CHI3L2: variants seen among roughly 807,000 people sequenced by gnomAD.
CHI3L2 encodes chitinase-3-like protein 2.
A neutral mutation model predicts 47.3 loss-of-function variants in CHI3L2; 47 were observed. The observed-to-expected ratio is 0.99, with a 90% CI of 0.79 to 1.27. The LOEUF is 1.27. Ranked by LOEUF, CHI3L2 falls within the 50% of genes most tolerant of loss-of-function variation. The pLI is 0.00. For missense variants in CHI3L2, 497 were observed against 462.1 expected (o/e 1.08, Z -0.69); for synonymous variants, 198 against 169.9 (o/e 1.17, Z -1.28).
chr1:111,239,520 G>A (rs1659986690), intron 8 of CHI3L2, among the ~76,000 whole-genome samples: 1 of 152,126 alleles, frequency 6.6e-6, no homozygotes, highest in Non-Finnish European at 1.5e-5. Flanking sequence ...CTACACCTGA[G>A]GGACATGCAG....
At position 111,236,116 on chromosome 1, in the gene CHI3L2, G is replaced by A. The variant is rs763418904; in HGVS notation, c.698G>A (p.Gly233Glu). 1 of 1,614,180 alleles carries A rather than the reference G, an allele frequency of 6.2e-7. No individual in the cohort carries two copies. Reference sequence around the variant, plus strand: ...GGCCACAACAGCCCTCTGAGCAAGGGGTGGCAGGACAGAGGGCCAAGCTCC... The same window carrying A: ...GGCCACAACAGCCCTCTGAGCAAGGAGTGGCAGGACAGAGGGCCAAGCTCC... ...ITGHNSPLSK[G>E]WQDRGPSSYY... Residue 233 changes from glycine (G) to glutamate (E), a missense_variant, in exon 7 of 11, where the codon GGG becomes GAG. Coordinates refer to ENST00000369748, the MANE Select transcript of CHI3L2 (RefSeq NM_004000.3).
rs548439935 is a variant in CHI3L2, at chr1:111,242,797, A to G, written c.*3-420A>G. The stretch of plus-strand genomic sequence containing the variant: ...GGCTCTTTTCCCCCACCCACAGTTG[A>G]TCTTACTTAGTCTAGACATTTGGGA... On this transcript the variant is annotated intron_variant, in intron 10 of 10. Transcript: ENST00000369748. Among the ~76,000 whole-genome samples, 25 of 152,096 alleles carry G rather than the reference A, an allele frequency of 1.6e-4. No individual in the cohort carries two copies. In the South Asian group the frequency reaches 4.6e-3, roughly 28 times the overall value.
At chr1:111,228,250 G>T (rs1659585504) in intron 1 of CHI3L2, among the ~76,000 whole-genome samples, 1 of 152,192 alleles carries the variant, frequency 6.6e-6, no homozygotes, top group Admixed American at 6.5e-5. Context: ...GGCTTTTGTG[G>T]TGGCTGGGAA....
intron 4 of CHI3L2, among the ~76,000 whole-genome samples, chr1:111,233,328 C>T (rs931107130): frequency 3.3e-5 from 5 of 152,116 alleles, no homozygotes; most frequent in Admixed American, 6.5e-5. Flanking sequence ...CCTGGAACTT[C>T]CCTAAATGTT....
Position 111,237,819 on chromosome 1 carries a change from G to C in CHI3L2, c.736-931G>C, listed in dbSNP as rs1659927992. 3.3e-5 allele frequency among the ~76,000 whole-genome samples: 5 copies of C among 152,248 alleles called. No homozygotes were observed. The South Asian group carries it at 1.0e-3, about 32-fold the overall frequency. Reference sequence around the variant, plus strand: ...TAATTCAGGTCATGATGGGAAGTTGGGTGTCAGACATGCCTCACAGCTGAC... The same window carrying C: ...TAATTCAGGTCATGATGGGAAGTTGCGTGTCAGACATGCCTCACAGCTGAC... On this transcript the variant is annotated intron_variant, in intron 7 of 10. Transcript: ENST00000369748.
chr1:111,242,819 G>A (rs1480976557), intron 10 of CHI3L2, among the ~76,000 whole-genome samples: 1 of 151,938 alleles, frequency 6.6e-6, no homozygotes, highest in Non-Finnish European at 1.5e-5. Context: ...CTAGACATTT[G>A]GGAGCTCCCA....
chr1:111,236,668 T>C (rs1302610773), intron 7 of CHI3L2, among the ~76,000 whole-genome samples: 1 of 146,846 alleles, frequency 6.8e-6, no homozygotes, highest in African/African-American at 2.5e-5. Context: ...AAAAAAAAAA[T>C]AATGTTGTTG....
rs1276208207 is a variant in CHI3L2 at position 111,243,379 on chromosome 1, T to A, written c.*165T>A. 1 of 383,138 alleles carries A rather than the reference T, an allele frequency of 2.6e-6. No individual in the cohort carries two copies. Among genetic ancestry groups the A allele is most frequent in the Non-Finnish European group, 5.1e-6 (1 of 195,226 alleles). The allele number at this position is 383,138 out of a possible 1,614,324, so 23.7% of individuals were successfully genotyped here. ...TCATAGATTGGACCTGGTTTTGTTT[T>A]CCTGCAGCTGTTGACTTGTTGCCCT... On this transcript the variant is annotated 3_prime_UTR_variant, in exon 11 of 11. Coordinates refer to ENST00000369748, the MANE Select transcript of CHI3L2 (RefSeq NM_004000.3).
intron 8 of CHI3L2, among the ~76,000 whole-genome samples, chr1:111,240,691 T>C (rs934414169): frequency 6.6e-6 from 1 of 152,246 alleles, no homozygotes; most frequent in African/African-American, 2.4e-5. Context: ...ATGGATTTTC[T>C]ATGTGATGTT....
chr1:111,234,936 C>T lies in CHI3L2; in HGVS notation c.359C>T (p.Ser120Leu). 1 of 1,614,158 alleles carries T rather than the reference C, an allele frequency of 6.2e-7. No homozygotes were observed. Among genetic ancestry groups the T allele is most frequent in the Non-Finnish European group, 8.5e-7 (1 of 1,180,000 alleles). ...GFHPMVDSSTSRLEFINSIIL... is the reference protein window; with the variant it reads ...GFHPMVDSSTLRLEFINSIIL... ...CACCCTATGGTGGATTCTTCTACAT[C>T]ACGCTTGGAATTCATTAACTCCATA... The change falls in exon 5 of 11, where the codon TCA becomes TTA. Residue 120 changes from serine to leucine, a missense_variant. Physicochemically the swap from Ser to Leu is moderately radical, Grantham distance 145 (BLOSUM62 -2). Coordinates refer to ENST00000369748, the MANE Select transcript of CHI3L2 (RefSeq NM_004000.3).
At chr1:111,241,823 G>A (rs993879793) in intron 9 of CHI3L2, among the ~76,000 whole-genome samples, 6 of 152,182 alleles carry the variant, frequency 3.9e-5, no homozygotes, top group African/African-American at 1.4e-4. Context: ...TACCTAGCTA[G>A]GAGGCTCCAG....
At chr1:111,236,638 G>A (rs1384534350) in intron 7 of CHI3L2, among the ~76,000 whole-genome samples, 1 of 125,952 alleles carries the variant, frequency 7.9e-6, no homozygotes, top group Non-Finnish European at 1.7e-5. Context: ...ACTTCCTGGT[G>A]ATGGGAAATG....
intron 1 of CHI3L2, 61 bp downstream of exon 1, chr1:111,227,830 T>C: frequency 6.7e-7 from 1 of 1,495,982 alleles, no homozygotes; most frequent in Non-Finnish European, 9.3e-7. Context: ...GTAACAGGTC[T>C]GTAGAAGAAG....
At chr1:111,231,609 T>A (rs552627804) in intron 4 of CHI3L2, 1 of 245,888 alleles carries the variant, frequency 4.1e-6, no homozygotes, top group South Asian at 7.9e-5. Flanking sequence ...AGAATTAGTT[T>A]TAATTGGAAA....
intron 7 of CHI3L2, 100 bp downstream of exon 7, chr1:111,236,253 G>A (rs113388792): frequency 1.5e-6 from 2 of 1,321,064 alleles, no homozygotes. Context: ...CTGAGGAAGA[G>A]CTATGAGCCC....
intron 7 of CHI3L2, among the ~76,000 whole-genome samples, chr1:111,238,365 C>T (rs1659943889): frequency 6.6e-6 from 1 of 152,190 alleles, no homozygotes; most frequent in Non-Finnish European, 1.5e-5. Context: ...GCCTCATGGA[C>T]TAGGAATCTG....
At chr1:111,228,562 G>C (rs758679693) in intron 1 of CHI3L2, among the ~76,000 whole-genome samples, 1 of 152,216 alleles carries the variant, frequency 6.6e-6, no homozygotes, top group African/African-American at 2.4e-5. Context: ...GTGCCACAGA[G>C]AATTTCTCTG....
At chr1:111,232,076 T>C (rs1659738551) in intron 4 of CHI3L2, among the ~76,000 whole-genome samples, 1 of 152,212 alleles carries the variant, frequency 6.6e-6, no homozygotes, top group South Asian at 2.1e-4. Flanking sequence ...ATAGTACAAC[T>C]TGTGCAACCT....
Position 111,243,309 on chromosome 1 carries a change from G to C in CHI3L2, c.*95G>C, listed in dbSNP as rs1036818637. 4.4e-6 allele frequency: 2 copies of C among 453,172 alleles called. No individual in the cohort carries two copies. The highest frequency in any genetic ancestry group is 4.4e-6 in the Non-Finnish European group (1 of 225,188). The allele number at this position is 453,172 out of a possible 1,614,324, so 28.1% of individuals were successfully genotyped here. A position where few individuals can be genotyped will look rare whatever the true frequency, so the allele number is the denominator to read the frequency against. ...CATGTGGGATTCCCCTTGCCAGGCT[G>C]GCCTTTGGATCTCTCTTCCAAGCCT... On this transcript the variant is annotated 3_prime_UTR_variant, in exon 11 of 11. Transcript: ENST00000369748.
Sources: gnomAD v4.1 joint callset for allele counts (sites outside exome capture counted in the v4.1 genomes callset) on GRCh38, gnomAD v4.1.1 for gene constraint, MANE v1.5 for transcripts, NCBI Gene and HGNC (gene_info 2026-07-23, HGNC 2026-07-21) for gene names.